SLC4A10: variants seen among roughly 807,000 people sequenced by gnomAD.
SLC4A10 encodes the protein sodium-driven chloride bicarbonate exchanger.
In SLC4A10, 42 loss-of-function variants were observed where a neutral mutation model predicts 137.7. That is an observed-to-expected ratio of 0.30 (90% confidence interval 0.24 to 0.39). SLC4A10 has a LOEUF of 0.39. SLC4A10 is among the 10% of genes least tolerant of loss of function. SLC4A10 has a pLI of 1.00. For synonymous variants in SLC4A10, 474 were observed against 464.1 expected, an observed-to-expected ratio of 1.02 and a Z score of -0.27; for missense variants, 925 against 1,355.0, an observed-to-expected ratio of 0.68 and a Z score of 4.98.
intron 1 of SLC4A10, 87 bp downstream of exon 1, chr2:161,624,653 T>G: frequency 6.5e-7 from 1 of 1,538,128 alleles, no homozygotes; most frequent in Non-Finnish European, 8.8e-7. Context: ...GTGCAGCGAG[T>G]GTACTTTTGG....
intron 3 of SLC4A10, among the ~76,000 whole-genome samples, chr2:161,812,317 C>T (rs777389920): frequency 3.9e-5 from 6 of 152,026 alleles, no homozygotes; most frequent in Non-Finnish European, 7.4e-5. Context: ...TGAAGACTTT[C>T]TTTGCTCATA....
chr2:161,946,656 A>G (rs758800941), intron 16 of SLC4A10, among the ~76,000 whole-genome samples: 2 of 151,818 alleles, frequency 1.3e-5, no homozygotes, highest in African/African-American at 4.8e-5. Context: ...ACTTTTTTTC[A>G]TTCAAAATAT....
Position 161,833,451 on chromosome 2 carries a change from A to G in SLC4A10, c.278-6338A>G, listed in dbSNP as rs367560384. ...AGATTGGTTTCATAATGCTAATATA[A>G]GTGACCCCCTGGAGAATGAAAAGGT... On this transcript the variant is annotated intron_variant, in intron 3 of 26. Transcript: ENST00000446997. Among the ~76,000 whole-genome samples the G allele has an allele frequency of 7.9e-5, 12 of 152,352 alleles. No individual in the cohort carries two copies. In the East Asian group the frequency reaches 9.6e-4, roughly 12 times the overall value.
intron 3 of SLC4A10, among the ~76,000 whole-genome samples, chr2:161,821,803 G>C (rs13031103): frequency 0.033 from 5,086 of 152,182 alleles, 111 homozygotes; most frequent in African/African-American, 0.048. Context: ...TTTTTAAGAT[G>C]TTAAAAATAT....
intron 2 of SLC4A10, among the ~76,000 whole-genome samples, chr2:161,784,993 G>A (rs1170954514): frequency 6.6e-6 from 1 of 150,500 alleles, no homozygotes; most frequent in Non-Finnish European, 1.5e-5. Context: ...ACAAACCTTT[G>A]GCTAGACTTA....
intron 1 of SLC4A10, among the ~76,000 whole-genome samples, chr2:161,756,899 G>A (rs1417425056): frequency 6.6e-6 from 1 of 152,102 alleles, no homozygotes; most frequent in African/African-American, 2.4e-5. Flanking sequence ...TTCAGAAAGA[G>A]ATCTGGAATG....
chr2:161,787,898 A>G (rs2053804025), intron 2 of SLC4A10, among the ~76,000 whole-genome samples: 2 of 152,002 alleles, frequency 1.3e-5, no homozygotes, highest in South Asian at 2.1e-4. Context: ...TGAATTCCTT[A>G]TCAGTCATTT....
At chr2:161,903,315 G>T (rs1683552821) in intron 12 of SLC4A10, among the ~76,000 whole-genome samples, 1 of 152,100 alleles carries the variant, frequency 6.6e-6, no homozygotes, top group Non-Finnish European at 1.5e-5. Context: ...CGCAATAGTG[G>T]ATCAAAATTA....
At chr2:161,826,628 T>C (rs772138183) in intron 3 of SLC4A10, among the ~76,000 whole-genome samples, 19 of 152,178 alleles carry the variant, frequency 1.2e-4, no homozygotes, top group Non-Finnish European at 2.6e-4. Context: ...ATATAAGTAA[T>C]ATAGCTAATA....
intron 21 of SLC4A10, among the ~76,000 whole-genome samples, chr2:161,962,212 A>C (rs960981922): frequency 6.6e-6 from 1 of 152,194 alleles, no homozygotes; most frequent in Non-Finnish European, 1.5e-5. Flanking sequence ...ATGGCAGAAA[A>C]AACAGATCAC....
At chr2:161,850,671 T>C (rs2059777796) in intron 4 of SLC4A10, among the ~76,000 whole-genome samples, 1 of 152,108 alleles carries the variant, frequency 6.6e-6, no homozygotes, top group Admixed American at 6.5e-5. Context: ...GTCTTGGTTT[T>C]GTTGATCTTT....
At chr2:161,762,547 A>T (rs2050363212) in intron 1 of SLC4A10, among the ~76,000 whole-genome samples, 1 of 152,090 alleles carries the variant, frequency 6.6e-6, no homozygotes, top group Non-Finnish European at 1.5e-5. Context: ...TAAATAATGG[A>T]TGCATATGTT....
intron 1 of SLC4A10, among the ~76,000 whole-genome samples, chr2:161,683,171 A>G (rs915172831): frequency 1.9e-4 from 29 of 152,136 alleles, no homozygotes; most frequent in African/African-American, 6.8e-4. Flanking sequence ...CATGTGGCAA[A>G]TAGAATAGAA....
chr2:161,800,179 C>A (rs1257772926), intron 2 of SLC4A10, among the ~76,000 whole-genome samples: 3 of 152,048 alleles, frequency 2.0e-5, no homozygotes, highest in African/African-American at 7.2e-5. Context: ...TGCTTTATAA[C>A]TCCTTAACCA....
At chr2:161,670,460 G>A (rs778528213) in intron 1 of SLC4A10, among the ~76,000 whole-genome samples, 10 of 151,826 alleles carry the variant, frequency 6.6e-5, no homozygotes, top group Non-Finnish European at 1.3e-4. Context: ...ATGAGGCAAG[G>A]GTATTAGAAT....
intron 1 of SLC4A10, among the ~76,000 whole-genome samples, chr2:161,641,528 A>G (rs1182744299): frequency 6.6e-5 from 10 of 152,148 alleles, no homozygotes; most frequent in East Asian, 1.9e-4. Context: ...GGAGTAATCT[A>G]TCTTAAATTG....
At chr2:161,765,361 C>G (rs2125384409) in intron 1 of SLC4A10, among the ~76,000 whole-genome samples, 1 of 152,220 alleles carries the variant, frequency 6.6e-6, no homozygotes, top group East Asian at 1.9e-4. Flanking sequence ...AATCTTAGCA[C>G]TTTGGGAAGC....
At chr2:161,971,673 C>G (rs1415701189) in intron 23 of SLC4A10, among the ~76,000 whole-genome samples, 1 of 152,184 alleles carries the variant, frequency 6.6e-6, no homozygotes, top group Non-Finnish European at 1.5e-5. Flanking sequence ...CCTCAGAAAG[C>G]CTCAATTTTT....
intron 1 of SLC4A10, among the ~76,000 whole-genome samples, chr2:161,687,202 AT>A (rs1179650794): frequency 6.6e-6 from 1 of 152,148 alleles, no homozygotes; most frequent in Non-Finnish European, 1.5e-5. Flanking sequence ...AGATATCAGA[AT>A]ATGTGCATGA....
Sources: gnomAD v4.1 joint callset for allele counts (sites outside exome capture counted in the v4.1 genomes callset) on GRCh38, gnomAD v4.1.1 for gene constraint, MANE v1.5 for transcripts, NCBI Gene and HGNC (gene_info 2026-07-23, HGNC 2026-07-21) for gene names.